Variants in TINAGL1 observed in about 807,000 individuals in gnomAD.
TINAGL1 encodes tubulointerstitial nephritis antigen like 1.
In TINAGL1, 34 loss-of-function variants were observed where a neutral mutation model predicts 62.0. That is an observed-to-expected ratio of 0.55 (90% CI 0.42 to 0.73). The LOEUF is 0.73. Among genes scored for constraint, TINAGL1 ranks in the 30% least tolerant of loss-of-function variants. TINAGL1 has a pLI of 0.00. For synonymous variants in TINAGL1, 221 were observed against 249.7 expected, an observed-to-expected ratio of 0.88 and a Z score of 1.08; for missense variants, 516 against 653.2, an observed-to-expected ratio of 0.79 and a Z score of 2.29.
In TINAGL1 at chr1:31,584,941, GT is replaced by G. The variant is rs1639346303; in HGVS notation, c.763del (p.Ser255ArgfsTer56). The G allele has an allele frequency of 6.2e-7, 1 of 1,611,892 alleles. No homozygotes were observed. Among genetic ancestry groups the G allele is most frequent in the Non-Finnish European group, 8.5e-7 (1 of 1,178,266 alleles). Reference sequence around the variant, plus strand: ...CTCTGGGACACATGACGCCTGTCCTGTCGCCCCAGAACCTGCTGTCTTGTGA... The same window carrying G: ...CTCTGGGACACATGACGCCTGTCCTGCGCCCCAGAACCTGCTGTCTTGTGA... ...HSLGHMTPVL[S>X]PQNLLSCDTH... On this transcript the variant is annotated frameshift_variant, in exon 7 of 12. Coordinates refer to ENST00000271064, the MANE Select transcript of TINAGL1 (RefSeq NM_022164.3). LOFTEE classifies it high-confidence loss of function. The surrounding 1 kb of genome is among the most constrained non-coding windows in gnomAD (Gnocchi z 4.0).
chr1:31,580,336 T>C (rs1419556281), intron 3 of TINAGL1: 1 of 1,281,378 alleles, frequency 7.8e-7, no homozygotes, highest in East Asian at 5.6e-5. Context: ...TGCCTGGACC[T>C]GTGTGGGCAG....
In TINAGL1 at chr1:31,584,717, G is replaced by C. The variant is rs554152259; in HGVS notation, c.622G>C (p.Glu208Gln). 1 of 1,614,132 alleles carries C rather than the reference G, an allele frequency of 6.2e-7. No individual in the cohort carries two copies. The highest frequency in any genetic ancestry group is 1.7e-5 in the Admixed American group (1 of 60,028). ...AGGGGAGGTGCTTCCCACAGCCTTCGAGGCCTCTGAGAAGTGGCCCAACCT... is the reference window on the plus strand; with the variant it reads ...AGGGGAGGTGCTTCCCACAGCCTTCCAGGCCTCTGAGAAGTGGCCCAACCT... ...NPGEVLPTAF[E>Q]ASEKWPNLIH... The change falls in exon 6 of 12, where the codon GAG becomes CAG. Residue 208 changes from glutamate (E) to glutamine (Q), a missense_variant. Glu to Gln is a conservative substitution (Grantham distance 29, BLOSUM62 2). Transcript: ENST00000271064. This position sits in a 1 kb window ranked among gnomAD's most constrained non-coding sequence, Gnocchi z 4.0.
Position 31,577,222 on chromosome 1 carries a change from G to T in TINAGL1, c.74G>T (p.Gly25Val). 2 of 1,604,048 alleles carry T rather than the reference G, an allele frequency of 1.2e-6. No homozygotes were observed. Among genetic ancestry groups the T allele is most frequent in the Non-Finnish European group, 1.7e-6 (2 of 1,176,550 alleles). ...AGHLALGAQQ[G>V]RGRRELAPGL... ...CACTTGGCTCTGGGTGCCCAGCAGG[G>T]TCGTGGGCGCCGGGAGCTAGCACCG... Residue 25 changes from glycine (G) to valine (V), a missense_variant, in exon 2 of 12, where the codon GGT becomes GTT. Coordinates refer to ENST00000271064, the MANE Select transcript of TINAGL1 (RefSeq NM_022164.3). This position sits in a 1 kb window ranked among gnomAD's most constrained non-coding sequence, Gnocchi z 5.4.
In TINAGL1 at chr1:31,583,227, C is replaced by T; in HGVS notation, c.453C>T (p.Asn151=). 6.2e-7 allele frequency: 1 copy of T among 1,614,194 alleles called. No individual in the cohort carries two copies. The highest frequency in any genetic ancestry group is 8.5e-7 in the Non-Finnish European group (1 of 1,180,028). ...LVDPDMIKAI[N]QGNYGWQAGN... ...ATCCAGACATGATCAAAGCCATCAA[C>T]CAGGGCAACTATGGGTGAGAGGCCC... is the stretch of plus-strand genomic sequence containing the variant. Residue 151 remains asparagine (N), a synonymous_variant, in exon 4 of 12, where the codon AAC becomes AAT. Coordinates refer to ENST00000271064, the MANE Select transcript of TINAGL1 (RefSeq NM_022164.3). The surrounding 1 kb of genome is among the most constrained non-coding windows in gnomAD (Gnocchi z 4.4).
chr1:31,584,568 A>G lies in TINAGL1; in HGVS notation c.583-110A>G. ...AATCCTGCAGCAGCAGGAGGGCTCA[A>G]GATTAAACTGCAGAAGGCCCTGGAC... On this transcript the variant is annotated intron_variant, in intron 5 of 11. Coordinates refer to ENST00000271064, the MANE Select transcript of TINAGL1 (RefSeq NM_022164.3). This position sits in a 1 kb window ranked among gnomAD's most constrained non-coding sequence, Gnocchi z 4.0. 6.5e-7 allele frequency: 1 copy of G among 1,550,172 alleles called. No individual in the cohort carries two copies. Among genetic ancestry groups the G allele is most frequent in the African/African-American group, 1.4e-5 (1 of 73,086 alleles).
At chr1:31,586,640 G>A in intron 10 of TINAGL1, 70 bp from the exon 11 acceptor site, 2 of 1,546,964 alleles carry the variant, frequency 1.3e-6, no homozygotes, top group South Asian at 1.2e-5. Context: ...GATGGGGCAG[G>A]TTTCCGGGAT....
At chr1:31,586,789 C>T in intron 11 of TINAGL1, 34 bp downstream of exon 11, 4 of 1,532,742 alleles carry the variant, frequency 2.6e-6, no homozygotes, top group African/African-American at 1.4e-5. Flanking sequence ...GCCCCCTCTT[C>T]CCCTCGCCCC....
rs1342687476 is a variant in TINAGL1 at position 31,576,799 on chromosome 1, G to C, written c.-16+204G>C. Among the ~76,000 whole-genome samples, 1 of 152,148 alleles carries C rather than the reference G, an allele frequency of 6.6e-6. No individual in the cohort carries two copies. Among genetic ancestry groups the C allele is most frequent in the African/African-American group, 2.4e-5 (1 of 41,450 alleles). On this transcript the variant is annotated intron_variant, in intron 1 of 11. Transcript: ENST00000271064. This position sits in a 1 kb window ranked among gnomAD's most constrained non-coding sequence, Gnocchi z 5.1. ...TCAAGGACCCAGGTCAGGGATGGAG[G>C]CTGCTGGAGGGCAGAGAGACCTAGG...
At position 31,585,339 on chromosome 1, in the gene TINAGL1, A is replaced by T; in HGVS notation, c.1046A>T (p.Asn349Ile). 1.2e-6 allele frequency: 2 copies of T among 1,604,450 alleles called. No homozygotes were observed. Among genetic ancestry groups the T allele is most frequent in the Non-Finnish European group, 1.7e-6 (2 of 1,174,030 alleles). Residue 349 changes from asparagine to isoleucine, a missense_variant and splice_region_variant, in exon 8 of 12, where the codon AAC becomes ATC. Transcript: ENST00000271064. This position sits in a 1 kb window ranked among gnomAD's most constrained non-coding sequence, Gnocchi z 4.3. The stretch of plus-strand genomic sequence containing the variant: ...ACTCCTGTCTACCGCCTCGGCTCCA[A>T]CGTAAGTCAGCACTTGGGTGAGGGC... ...QVTPVYRLGS[N>I]DKEIMKELME... is the part of the protein sequence containing the mutation.
Position 31,585,160 on chromosome 1 carries a change from T to G in TINAGL1, c.867T>G (p.Ser289=), listed in dbSNP as rs568560473. 6.3e-7 allele frequency: 1 copy of G among 1,579,736 alleles called. No homozygotes were observed. Among genetic ancestry groups the G allele is most frequent in the South Asian group, 1.2e-5 (1 of 86,160 alleles). The part of the protein sequence containing the change: ...WWFLRRRGVV[S]DHCYPFSGRE... ...CTTGCTGCCTTTGCAGGGTGGTGTC[T>G]GACCACTGCTACCCCTTCTCGGGCC... The change falls in exon 8 of 12, where the codon TCT becomes TCG. Residue 289 remains serine, a synonymous_variant. Coordinates refer to ENST00000271064, the MANE Select transcript of TINAGL1 (RefSeq NM_022164.3). This position sits in a 1 kb window ranked among gnomAD's most constrained non-coding sequence, Gnocchi z 4.3.
chr1:31,581,221 C>A (rs1485301704), intron 3 of TINAGL1, among the ~76,000 whole-genome samples: 1 of 152,136 alleles, frequency 6.6e-6, no homozygotes, highest in Non-Finnish European at 1.5e-5. Context: ...TCACAGGAAG[C>A]CACGTAGAGA....
In TINAGL1 at chr1:31,583,063, T is replaced by A; in HGVS notation, c.375-86T>A. 3.4e-6 allele frequency: 4 copies of A among 1,182,272 alleles called. No individual in the cohort carries two copies. The highest frequency in any genetic ancestry group is 5.1e-6 in the Non-Finnish European group (4 of 789,070). 73.2% of individuals were successfully genotyped at this position (1,182,272 alleles called of 1,614,324 possible). A position where few individuals can be genotyped will look rare whatever the true frequency, so the allele number is the denominator to read the frequency against. On this transcript the variant is annotated intron_variant, in intron 3 of 11. Coordinates refer to ENST00000271064, the MANE Select transcript of TINAGL1 (RefSeq NM_022164.3). The surrounding 1 kb of genome is among the most constrained non-coding windows in gnomAD (Gnocchi z 4.4). ...CCCACAGTCACTTGCACAGACTCCCTGGCCCATGTTAACCTCCGAGGCCAC... is the reference window on the plus strand; with the variant it reads ...CCCACAGTCACTTGCACAGACTCCCAGGCCCATGTTAACCTCCGAGGCCAC...
chr1:31,585,719 G>A lies in TINAGL1; in HGVS notation c.1094-34G>A, dbSNP rs2148595830. ...CAGGCTCCAGTGCCTGTGCCAACGG[G>A]CTGAGTGGACCCTACCTTGACATCT... On this transcript the variant is annotated intron_variant, in intron 9 of 11. Transcript: ENST00000271064. This position sits in a 1 kb window ranked among gnomAD's most constrained non-coding sequence, Gnocchi z 4.3. 3 of 1,602,168 alleles carry A rather than the reference G, an allele frequency of 1.9e-6. No individual in the cohort carries two copies. Among genetic ancestry groups the A allele is most frequent in the East Asian group, 2.2e-5 (1 of 44,750 alleles).
Position 31,585,715 on chromosome 1 carries a change from A to G in TINAGL1, c.1094-38A>G, listed in dbSNP as rs1342754053. 1.3e-6 allele frequency: 2 copies of G among 1,599,162 alleles called. No individual in the cohort carries two copies. Among genetic ancestry groups the G allele is most frequent in the African/African-American group, 1.3e-5 (1 of 74,612 alleles). Reference sequence around the variant, plus strand: ...GACTCAGGCTCCAGTGCCTGTGCCAACGGGCTGAGTGGACCCTACCTTGAC... The same window carrying G: ...GACTCAGGCTCCAGTGCCTGTGCCAGCGGGCTGAGTGGACCCTACCTTGAC... On this transcript the variant is annotated intron_variant, in intron 9 of 11. Transcript: ENST00000271064. This position sits in a 1 kb window ranked among gnomAD's most constrained non-coding sequence, Gnocchi z 4.3.
In TINAGL1 at chr1:31,584,867, C is replaced by G; in HGVS notation, c.707-19C>G. On this transcript the variant is annotated intron_variant, in intron 6 of 11. Coordinates refer to ENST00000271064, the MANE Select transcript of TINAGL1 (RefSeq NM_022164.3). This position sits in a 1 kb window ranked among gnomAD's most constrained non-coding sequence, Gnocchi z 4.0. Reference sequence around the variant, plus strand: ...CAAGTCCTGAGCCTCCCGACAGCCCCTCTATCTCACCCCACCAGCTGTGGC... The same window carrying G: ...CAAGTCCTGAGCCTCCCGACAGCCCGTCTATCTCACCCCACCAGCTGTGGC... 6.2e-7 allele frequency: 1 copy of G among 1,613,056 alleles called. No homozygotes were observed. Among genetic ancestry groups the G allele is most frequent in the Admixed American group, 1.7e-5 (1 of 60,000 alleles).
intron 2 of TINAGL1, among the ~76,000 whole-genome samples, chr1:31,578,498 ATGTG>A (rs71006310): frequency 1.4e-4 from 6 of 43,236 alleles, no homozygotes; most frequent in East Asian, 5.7e-4. Flanking sequence ...GAGAGCTGGT[ATGTG>A]TGTGTGTGTG....
chr1:31,586,458 C>G, intron 10 of TINAGL1: 1 of 593,494 alleles, frequency 1.7e-6, no homozygotes, highest in Non-Finnish European at 3.0e-6. Context: ...CCCAGGTTCC[C>G]TCCTCTTCTG....
chr1:31,587,078 C>T lies in TINAGL1; in HGVS notation c.*99C>T. Reference sequence around the variant, plus strand: ...TGACCCCAGCCTCGCCCGACAGAGCCCGGGGCGCAGGCGGGCGCCAGGGCG... The same window carrying T: ...TGACCCCAGCCTCGCCCGACAGAGCTCGGGGCGCAGGCGGGCGCCAGGGCG... On this transcript the variant is annotated 3_prime_UTR_variant, in exon 12 of 12. Coordinates refer to ENST00000271064, the MANE Select transcript of TINAGL1 (RefSeq NM_022164.3). 4.5e-6 allele frequency: 6 copies of T among 1,335,758 alleles called. No homozygotes were observed. The highest frequency in any genetic ancestry group is 3.8e-5 in the Admixed American group (1 of 26,490). 82.7% of individuals were successfully genotyped at this position (1,335,758 alleles called of 1,614,324 possible). A position where few individuals can be genotyped will look rare whatever the true frequency, so the allele number is the denominator to read the frequency against.
chr1:31,584,649 A>G lies in TINAGL1; in HGVS notation c.583-29A>G. ...GAGGGGCAGGCCAGGGCAGAGCAGG[A>G]GGCAGACAGGGCAACCTTTATCTTG... On this transcript the variant is annotated intron_variant, in intron 5 of 11. Transcript: ENST00000271064. This position sits in a 1 kb window ranked among gnomAD's most constrained non-coding sequence, Gnocchi z 4.0. The G allele has an allele frequency of 6.2e-7, 1 of 1,612,428 alleles. No homozygotes were observed. The highest frequency in any genetic ancestry group is 8.5e-7 in the Non-Finnish European group (1 of 1,179,958).
Sources: gnomAD v4.1 joint callset for allele counts (sites outside exome capture counted in the v4.1 genomes callset) on GRCh38, gnomAD v4.1.1 for gene constraint, Gnocchi (gnomAD v3.1) non-coding constraint, MANE v1.5 for transcripts, NCBI Gene and HGNC (gene_info 2026-07-23, HGNC 2026-07-21) for gene names.